DCLRE1C: variants seen among roughly 807,000 people sequenced by gnomAD.
DCLRE1C encodes DNA cross-link repair 1C, also known as protein artemis.
In DCLRE1C, 47 loss-of-function variants were observed where a neutral mutation model predicts 61.4. The observed-to-expected ratio is 0.77, with a 90% confidence interval of 0.61 to 0.98. The LOEUF (loss-of-function observed/expected upper bound fraction) is 0.98. Ranked by LOEUF, DCLRE1C falls within the 50% of genes least tolerant of loss-of-function variation. The pLI is 0.00. For missense variants in DCLRE1C, 858 were observed against 816.0 expected, an observed-to-expected ratio of 1.05 and a Z score of -0.63; for synonymous variants, 337 against 287.6, an observed-to-expected ratio of 1.17 and a Z score of -1.74.
chr10:14,913,426 G>A lies in DCLRE1C; in HGVS notation c.1157-4096C>T, dbSNP rs533087502. ...TCAATAAAGCTTAAAAAATAATTTT[G>A]TATTGTGGAGTTTATAAAGTTAATA... On this transcript the variant is annotated intron_variant, in intron 13 of 13. Coordinates refer to ENST00000378278, the MANE Select transcript of DCLRE1C (RefSeq NM_001033855.3). Among the ~76,000 whole-genome samples, 5 of 152,266 alleles carry A rather than the reference G, an allele frequency of 3.3e-5. No individual in the cohort carries two copies. The South Asian group carries it at 6.2e-4, about 19-fold the overall frequency.
chr10:14,953,161 G>C (rs904663679), intron 1 of DCLRE1C, among the ~76,000 whole-genome samples: 3 of 152,130 alleles, frequency 2.0e-5, no homozygotes, highest in African/African-American at 7.2e-5. Context: ...CATTAAAACT[G>C]TTTTCCCTGG....
At chr10:14,899,566 C>A (rs543776803) in intron 13 of DCLRE1C, 2 of 1,614,052 alleles carry the variant, frequency 1.2e-6, no homozygotes, top group South Asian at 2.2e-5. Context: ...AGCTGAAAGA[C>A]GAGGACAGTT....
At position 14,906,955 on chromosome 10, in the gene DCLRE1C, A is replaced by G. The variant is rs568337917; in HGVS notation, c.*1453T>C. On this transcript the variant is annotated 3_prime_UTR_variant, in exon 14 of 14. Coordinates refer to ENST00000378278, the MANE Select transcript of DCLRE1C (RefSeq NM_001033855.3). ...GCACAATCAGCTCACTGCAGTTTCA[A>G]CCTCCTGGGCTCAATCCATCCTGCC... Among the ~76,000 whole-genome samples, 5 of 151,642 alleles carry G rather than the reference A, an allele frequency of 3.3e-5. No individual in the cohort carries two copies. The South Asian group carries it at 1.0e-3, about 32-fold the overall frequency.
chr10:14,926,919 A>G, intron 10 of DCLRE1C, 22 bp from the exon 11 acceptor site: 1 of 1,608,646 alleles, frequency 6.2e-7, no homozygotes, highest in Non-Finnish European at 8.5e-7. Flanking sequence ...TGAAAACACA[A>G]AATAAAAAGA....
intron 3 of DCLRE1C, among the ~76,000 whole-genome samples, chr10:14,940,946 G>A (rs1415339079): frequency 5.3e-5 from 8 of 152,172 alleles, no homozygotes; most frequent in Admixed American, 1.3e-4. Context: ...GCAGTGGCAC[G>A]ATCTCAGCTT....
upstream of DCLRE1C, chr10:14,954,109 G>T: frequency 6.3e-7 from 1 of 1,583,178 alleles, no homozygotes; most frequent in Non-Finnish European, 8.6e-7. Flanking sequence ...GCGCTGCCTC[G>T]CCATTGGGCG....
intron 13 of DCLRE1C, among the ~76,000 whole-genome samples, chr10:14,915,402 C>T (rs1564384841): frequency 6.6e-6 from 1 of 151,696 alleles, no homozygotes; most frequent in African/African-American, 2.4e-5. Flanking sequence ...TCTAGCTAGA[C>T]TAATCAAGAA....
At chr10:14,929,157 C>T (rs1342582824) in intron 9 of DCLRE1C, among the ~76,000 whole-genome samples, 2 of 152,168 alleles carry the variant, frequency 1.3e-5, no homozygotes, top group Non-Finnish European at 2.9e-5. Context: ...ATAATCCCAG[C>T]ACTCTGGGAG....
At chr10:14,936,810 G>A (rs1333396703) in intron 4 of DCLRE1C, among the ~76,000 whole-genome samples, 1 of 152,132 alleles carries the variant, frequency 6.6e-6, no homozygotes, top group African/African-American at 2.4e-5. Context: ...ACTAGTTATA[G>A]AACCAAGATA....
intron 12 of DCLRE1C, chr10:14,920,319 C>A: frequency 1.1e-6 from 1 of 932,302 alleles, no homozygotes; most frequent in South Asian, 3.6e-5. Context: ...AGGCTGAAAG[C>A]TAAGACAAAG....
chr10:14,916,309 AATG>A (rs1836179622), intron 13 of DCLRE1C, among the ~76,000 whole-genome samples: 1 of 152,186 alleles, frequency 6.6e-6, no homozygotes, highest in Non-Finnish European at 1.5e-5. Flanking sequence ...ATACACAAAC[AATG>A]ATGATCTTAT....
chr10:14,950,841 T>C (rs1347263583), intron 1 of DCLRE1C, among the ~76,000 whole-genome samples: 1 of 152,208 alleles, frequency 6.6e-6, no homozygotes, highest in Non-Finnish European at 1.5e-5. Context: ...TGGCTGGAAC[T>C]GCACCCAGGT....
chr10:14,917,328 C>T (rs1836355336), intron 13 of DCLRE1C, among the ~76,000 whole-genome samples: 1 of 151,850 alleles, frequency 6.6e-6, no homozygotes, highest in African/African-American at 2.4e-5. Flanking sequence ...ATATTTATGC[C>T]TTTGGGTCAA....
chr10:14,933,592 G>A (rs1351958789), intron 8 of DCLRE1C, among the ~76,000 whole-genome samples: 1 of 152,064 alleles, frequency 6.6e-6, no homozygotes, highest in East Asian at 1.9e-4. Context: ...AACTGAGACC[G>A]TGCCACTGCA....
chr10:14,899,223 G>T, exon 14 of DCLRE1C: 1 of 702,104 alleles, frequency 1.4e-6, no homozygotes, highest in South Asian at 1.5e-5. Context: ...AGGAGGCTGA[G>T]GCAGGAAGAT....
downstream of DCLRE1C, chr10:14,901,085 C>G: frequency 1.2e-6 from 2 of 1,600,772 alleles, no homozygotes; most frequent in Non-Finnish European, 8.5e-7. Flanking sequence ...TGTAGAAGGG[C>G]TTGTTTACAC....
At chr10:14,933,216 T>C (rs1044302416) in intron 8 of DCLRE1C, among the ~76,000 whole-genome samples, 1 of 152,208 alleles carries the variant, frequency 6.6e-6, no homozygotes, top group African/African-American at 2.4e-5. Context: ...TTTAATGATG[T>C]TAATGTTGTC....
intron 13 of DCLRE1C, among the ~76,000 whole-genome samples, chr10:14,918,835 A>G (rs1413025616): frequency 6.6e-6 from 1 of 152,218 alleles, no homozygotes; most frequent in African/African-American, 2.4e-5. Context: ...TTTTAAAATT[A>G]GATTCTCCAT....
upstream of DCLRE1C, chr10:14,954,155 A>G: frequency 7.1e-7 from 1 of 1,407,574 alleles, no homozygotes; most frequent in Non-Finnish European, 9.7e-7. Flanking sequence ...AGGAGTCCGG[A>G]GACCGGGGGC....
Sources: allele counts gnomAD v4.1 joint callset (sites outside exome capture counted in the v4.1 genomes callset), GRCh38; gene constraint gnomAD v4.1.1; transcripts MANE v1.5; gene names NCBI Gene and HGNC (gene_info 2026-07-23, HGNC 2026-07-21).